Variants in DCLK2 observed in about 807,000 individuals in gnomAD.
DCLK2 encodes the protein serine/threonine-protein kinase DCLK2.
A neutral mutation model predicts 78.4 loss-of-function variants in DCLK2; 31 were observed. The observed-to-expected ratio is 0.40, with a 90% CI of 0.30 to 0.53. DCLK2 has a LOEUF of 0.53. Among genes scored for constraint, DCLK2 ranks in the 20% least tolerant of loss-of-function variants. The pLI is 0.61. For missense variants in DCLK2, 872 were observed against 973.7 expected, an observed-to-expected ratio of 0.90 and a Z score of 1.39; for synonymous variants, 407 against 374.9, an observed-to-expected ratio of 1.09 and a Z score of -0.99.
At chr4:150,250,953 T>TCACACCCCCCACACCCCCA in intron 15 of DCLK2, among the ~76,000 whole-genome samples, 1 of 1,244 alleles carries the variant, frequency 8.0e-4, no homozygotes, top group African/African-American at 2.5e-3. Context: ...CACACATCCC[T>TCACACCCCCCACACCCCCA]CACACCCCCC....
intron 8 of DCLK2, among the ~76,000 whole-genome samples, chr4:150,226,786 A>G (rs1325391810): frequency 6.6e-6 from 1 of 152,184 alleles, no homozygotes; most frequent in African/African-American, 2.4e-5. Context: ...CATTAAGACT[A>G]TACAAAATTA....
chr4:150,166,935 G>A (rs1166271889), intron 2 of DCLK2, among the ~76,000 whole-genome samples: 4 of 152,232 alleles, frequency 2.6e-5, no homozygotes, highest in Non-Finnish European at 4.4e-5. Context: ...AGTGGTGGGC[G>A]GGACACTGCC....
chr4:150,196,116 T>C (rs1192851977), intron 3 of DCLK2, among the ~76,000 whole-genome samples: 1 of 152,192 alleles, frequency 6.6e-6, no homozygotes, highest in Non-Finnish European at 1.5e-5. Flanking sequence ...AGGTCCCAAC[T>C]CTCTGCTTTT....
At chr4:150,193,324 C>A in intron 3 of DCLK2, 84 bp downstream of exon 3, 1 of 823,492 alleles carries the variant, frequency 1.2e-6, no homozygotes, top group Non-Finnish European at 2.0e-6. Flanking sequence ...TCAGTTGGTG[C>A]ATGTTAAGAA....
chr4:150,094,106 A>T (rs1186371971), intron 1 of DCLK2, among the ~76,000 whole-genome samples: 2 of 152,246 alleles, frequency 1.3e-5, no homozygotes, highest in Non-Finnish European at 2.9e-5. Context: ...TCCTAGAAGG[A>T]AAACATAAGG....
intron 2 of DCLK2, among the ~76,000 whole-genome samples, chr4:150,169,387 A>G (rs1466676402): frequency 1.3e-5 from 2 of 152,206 alleles, no homozygotes; most frequent in East Asian, 1.9e-4. Context: ...GGCCTGGTGC[A>G]GTGGCTCACG....
At chr4:150,182,695 T>G (rs899847476) in intron 2 of DCLK2, among the ~76,000 whole-genome samples, 16 of 152,134 alleles carry the variant, frequency 1.1e-4, no homozygotes, top group Non-Finnish European at 1.3e-4. Flanking sequence ...GCAGCTCCCT[T>G]TTGGCATTTT....
chr4:150,225,101 C>G (rs569128843), intron 8 of DCLK2, among the ~76,000 whole-genome samples: 1 of 152,312 alleles, frequency 6.6e-6, no homozygotes, highest in East Asian at 1.9e-4. Context: ...TTAGGAAACC[C>G]TCAGTCTTAG....
chr4:150,088,899 A>G (rs1223394994), intron 1 of DCLK2, among the ~76,000 whole-genome samples: 1 of 152,182 alleles, frequency 6.6e-6, no homozygotes, highest in African/African-American at 2.4e-5. Flanking sequence ...GAGTAATAAA[A>G]TGGCACATGC....
chr4:150,242,724 C>G (rs1030491823), intron 12 of DCLK2, among the ~76,000 whole-genome samples: 1 of 152,146 alleles, frequency 6.6e-6, no homozygotes, highest in Non-Finnish European at 1.5e-5. Flanking sequence ...TTCTGCTCCC[C>G]GAGCACTTCC....
chr4:150,210,531 T>C (rs1740213851), intron 5 of DCLK2, among the ~76,000 whole-genome samples: 1 of 152,104 alleles, frequency 6.6e-6, no homozygotes, highest in Admixed American at 6.6e-5. Context: ...TTATCCCACC[T>C]GGGAGGCTGA....
chr4:150,239,683 C>G, intron 10 of DCLK2, 59 bp from the exon 11 acceptor site: 1 of 1,591,366 alleles, frequency 6.3e-7, no homozygotes, highest in Non-Finnish European at 8.6e-7. Flanking sequence ...TTCCAAGAGC[C>G]CTCTCACAAT....
chr4:150,089,635 A>G (rs10024701), intron 1 of DCLK2, among the ~76,000 whole-genome samples: 58,033 of 152,096 alleles, frequency 0.38, 11,309 homozygotes, highest in Non-Finnish European at 0.42. Context: ...CTTCAATTAC[A>G]TTAGTTACAT....
At position 150,224,497 on chromosome 4, in the gene DCLK2, A is replaced by C; in HGVS notation, c.1242-4A>C. On this transcript the variant is annotated splice_polypyrimidine_tract_variant and splice_region_variant and intron_variant, in intron 7 of 15. Transcript: ENST00000296550. ...TAAATGGTCTTCCTCTGATTATTCC[A>C]TAGGTCCACTGGAAAGGAGTTTGCC... 6.2e-7 allele frequency: 1 copy of C among 1,608,856 alleles called. No homozygotes were observed. The highest frequency in any genetic ancestry group is 8.5e-7 in the Non-Finnish European group (1 of 1,177,858).
At chr4:150,244,243 T>C (rs1412906325) in intron 12 of DCLK2, among the ~76,000 whole-genome samples, 1 of 152,126 alleles carries the variant, frequency 6.6e-6, no homozygotes, top group Non-Finnish European at 1.5e-5. Flanking sequence ...GCCATTTCCC[T>C]CTAGTCTTTT....
At chr4:150,237,629 G>C (rs1742606738) in intron 10 of DCLK2, among the ~76,000 whole-genome samples, 1 of 152,130 alleles carries the variant, frequency 6.6e-6, no homozygotes, top group Non-Finnish European at 1.5e-5. Context: ...ACTGGCCTGG[G>C]AGAGCCCTGC....
At chr4:150,080,835 T>C (rs1729208003) in intron 1 of DCLK2, among the ~76,000 whole-genome samples, 1 of 152,228 alleles carries the variant, frequency 6.6e-6, no homozygotes, top group African/African-American at 2.4e-5. Flanking sequence ...CCAGCCAAAA[T>C]TAAATTGTCT....
chr4:150,146,899 A>G (rs1034423588), intron 2 of DCLK2, among the ~76,000 whole-genome samples: 5 of 151,712 alleles, frequency 3.3e-5, no homozygotes, highest in African/African-American at 4.8e-5. Context: ...AACTTTGGGA[A>G]GGTTACCTAA....
At chr4:150,125,024 A>C (rs1312517090) in intron 2 of DCLK2, among the ~76,000 whole-genome samples, 1 of 152,224 alleles carries the variant, frequency 6.6e-6, no homozygotes, top group African/African-American at 2.4e-5. Flanking sequence ...TCACACAGGT[A>C]CAGTGACAAA....
Sources: gnomAD v4.1 joint callset for allele counts (sites outside exome capture counted in the v4.1 genomes callset) on GRCh38, gnomAD v4.1.1 for gene constraint, MANE v1.5 for transcripts, NCBI Gene and HGNC (gene_info 2026-07-23, HGNC 2026-07-21) for gene names.